Variants in GPR19 observed in about 807,000 individuals in gnomAD.
GPR19 encodes the protein probable G protein-coupled receptor 19.
Under a neutral mutation model 28.5 loss-of-function variants are expected in GPR19, and 14 were observed. The observed-to-expected ratio is 0.49, with a 90% CI of 0.32 to 0.77. GPR19 has a LOEUF of 0.77. GPR19 is among the 30% of genes least tolerant of loss of function. The pLI is 0.03. For synonymous variants in GPR19, 173 were observed against 184.1 expected (o/e 0.94, Z 0.49); for missense variants, 409 against 504.1 (o/e 0.81, Z 1.81).
chr12:12,701,281 C>G, the GPR19 span, among the ~76,000 whole-genome samples: 2 of 152,156 alleles, frequency 1.3e-5, no homozygotes, highest in Admixed American at 1.3e-4. Context: ...AAGGTTTTCT[C>G]TTTAATTGTG....
At chr12:12,692,694 G>GTTT (rs1344477479) in intron 2 of GPR19, among the ~76,000 whole-genome samples, 1 of 145,426 alleles carries the variant, frequency 6.9e-6, no homozygotes, top group Non-Finnish European at 1.5e-5. Context: ...AATTATAGTT[G>GTTT]TTTTTTTTGT....
At chr12:12,671,729 C>T (rs1341748854) in intron 3 of GPR19, among the ~76,000 whole-genome samples, 1 of 152,182 alleles carries the variant, frequency 6.6e-6, no homozygotes, top group Non-Finnish European at 1.5e-5. Flanking sequence ...GGGACTATTA[C>T]TCTCCTATCA....
chr12:12,664,318 T>C (rs1302644408), intron 3 of GPR19, among the ~76,000 whole-genome samples: 1 of 152,032 alleles, frequency 6.6e-6, no homozygotes, highest in East Asian at 1.9e-4. Context: ...ATTTTTGTAC[T>C]AATTTGTGGT....
intron 3 of GPR19, among the ~76,000 whole-genome samples, chr12:12,672,752 G>GA (rs964589502): frequency 1.1e-4 from 15 of 140,490 alleles, no homozygotes; most frequent in South Asian, 2.3e-4. Flanking sequence ...ATCTCAAAAA[G>GA]AAAAAAAAAA....
chr12:12,696,339 C>CTTTTTTTTTTTTTTTTTTT (rs578240364), upstream of GPR19: 1 of 88,686 alleles, frequency 1.1e-5, no homozygotes, highest in Admixed American at 1.4e-4. Context: ...CCCACCCGCC[C>CTTTTTTTTTTTTTTTTTTT]TTTTTTTTTT....
chr12:12,689,130 G>C (rs908771717), intron 2 of GPR19, among the ~76,000 whole-genome samples: 2 of 152,178 alleles, frequency 1.3e-5, no homozygotes, highest in African/African-American at 4.8e-5. Context: ...GACCAAGAGA[G>C]AGAGTTGGGG....
At chr12:12,700,856 T>G (rs1325264094), upstream of GPR19, among the ~76,000 whole-genome samples, 1 of 152,214 alleles carries the variant, frequency 6.6e-6, no homozygotes, top group Non-Finnish European at 1.5e-5. Flanking sequence ...AATTTTATAT[T>G]GATTACATGT....
In GPR19 at chr12:12,675,998, T is replaced by C. The variant is rs151069718; in HGVS notation, c.-23+8353A>G. Among the ~76,000 whole-genome samples, 743 of 152,334 alleles carry C rather than the reference T, an allele frequency of 4.9e-3. 4 individuals are homozygous for C. Among genetic ancestry groups the C allele is most frequent in the Non-Finnish European group, 7.1e-3 (484 of 68,034 alleles). ...TTGTGTTAACTTGTTACAGCAGCAA[T>C]AGAAACTAATTCAATGTAGCATTTC... On this transcript the variant is annotated intron_variant, in intron 3 of 3. Coordinates refer to ENST00000651487, the MANE Select transcript of GPR19 (RefSeq NM_006143.3).
At chr12:12,689,060 G>A (rs1946137288) in intron 2 of GPR19, 1 of 152,208 alleles carries the variant, frequency 6.6e-6, no homozygotes, top group South Asian at 2.1e-4. Context: ...TAGGCCTCAG[G>A]GAGCTTTTAC....
At chr12:12,699,836 T>G (rs981738007), upstream of GPR19, among the ~76,000 whole-genome samples, 9 of 152,260 alleles carry the variant, frequency 5.9e-5, no homozygotes, top group African/African-American at 2.2e-4. Context: ...TAAGGAGAGA[T>G]ACCTTTATGG....
the GPR19 span, among the ~76,000 whole-genome samples, chr12:12,712,010 C>T: frequency 6.6e-6 from 1 of 152,206 alleles, no homozygotes; most frequent in African/African-American, 2.4e-5. Context: ...CTTTACTCTG[C>T]CGTCAGACAC....
At chr12:12,710,139 G>T in the GPR19 span, among the ~76,000 whole-genome samples, 1 of 152,288 alleles carries the variant, frequency 6.6e-6, no homozygotes, top group East Asian at 1.9e-4. Flanking sequence ...ATCACCTGAG[G>T]TCAGGAGTTC....
chr12:12,716,439 G>T, the GPR19 span, among the ~76,000 whole-genome samples: 20 of 152,176 alleles, frequency 1.3e-4, no homozygotes, highest in African/African-American at 4.8e-4. Context: ...ACAATCCCGG[G>T]AAAGAACAGA....
intron 2 of GPR19, among the ~76,000 whole-genome samples, chr12:12,690,625 G>A (rs1946167277): frequency 6.6e-6 from 1 of 152,152 alleles, no homozygotes; most frequent in Non-Finnish European, 1.5e-5. Flanking sequence ...GTCCCTTATT[G>A]TATTACTGGC....
At chr12:12,708,833 G>A in the GPR19 span, among the ~76,000 whole-genome samples, 2 of 152,210 alleles carry the variant, frequency 1.3e-5, no homozygotes, top group South Asian at 4.1e-4. Context: ...TGGATCACGA[G>A]GTTAGGAGTT....
At chr12:12,712,778 C>T in the GPR19 span, among the ~76,000 whole-genome samples, 8 of 152,204 alleles carry the variant, frequency 5.3e-5, no homozygotes, top group East Asian at 1.5e-3. Context: ...AGTGATCCTC[C>T]CACCTCTGCT....
At chr12:12,715,741 G>C in the GPR19 span, 14 of 152,348 alleles carry the variant, frequency 9.2e-5, no homozygotes, top group East Asian at 2.7e-3. Flanking sequence ...ATCTAGTCCT[G>C]ACTCCGGTAC....
At chr12:12,681,508 C>A (rs1337021556) in intron 3 of GPR19, among the ~76,000 whole-genome samples, 1 of 152,190 alleles carries the variant, frequency 6.6e-6, no homozygotes, top group African/African-American at 2.4e-5. Context: ...CTTTTAGACT[C>A]CAGAGGGATG....
At chr12:12,702,914 T>C in the GPR19 span, among the ~76,000 whole-genome samples, 1 of 152,234 alleles carries the variant, frequency 6.6e-6, no homozygotes, top group Non-Finnish European at 1.5e-5. Context: ...TAAACTGAAC[T>C]TGGATAGAAG....
Sources: allele counts gnomAD v4.1 joint callset (sites outside exome capture counted in the v4.1 genomes callset), GRCh38; gene constraint gnomAD v4.1.1; transcripts MANE v1.5; gene names NCBI Gene and HGNC (gene_info 2026-07-23, HGNC 2026-07-21).